Variants in HFM1 observed in about 807,000 individuals in gnomAD.
HFM1 encodes the protein helicase for meiosis 1.
In HFM1, 169 loss-of-function variants were observed where a neutral mutation model predicts 192.1. The ratio of observed to expected loss-of-function variants is 0.88; its 90% CI spans 0.78 to 1.00. The LOEUF (loss-of-function observed/expected upper bound fraction) is 1.00. HFM1 is among the 50% of genes least tolerant of loss of function. HFM1 has a pLI of 0.00. For missense variants in HFM1, 1,661 were observed against 1,668.0 expected (o/e 1.00, Z 0.07); for synonymous variants, 525 against 537.8 (o/e 0.98, Z 0.33).
At chr1:91,397,886 G>A (rs543613154) in intron 2 of HFM1, among the ~76,000 whole-genome samples, 37 of 152,302 alleles carry the variant, frequency 2.4e-4, no homozygotes, top group African/African-American at 8.4e-4. Context: ...CCAAAGAAGG[G>A]AAGCTCTTCA....
chr1:91,318,651 A>C (rs1651612058), intron 25 of HFM1, among the ~76,000 whole-genome samples: 1 of 152,182 alleles, frequency 6.6e-6, no homozygotes, highest in Non-Finnish European at 1.5e-5. Context: ...AAAACAAAAA[A>C]AAAATTAAGA....
intron 30 of HFM1, among the ~76,000 whole-genome samples, chr1:91,307,073 T>C (rs2101082999): frequency 6.6e-6 from 1 of 152,216 alleles, no homozygotes; most frequent in African/African-American, 2.4e-5. Context: ...TTACTTGTGT[T>C]TTCTTTCTTT....
At chr1:91,359,096 C>A (rs970585540) in intron 13 of HFM1, among the ~76,000 whole-genome samples, 12 of 152,106 alleles carry the variant, frequency 7.9e-5, no homozygotes, top group African/African-American at 2.9e-4. Context: ...CCATAAAAAC[C>A]TCATTCAAAG....
chr1:91,366,606 T>C (rs1481686566), intron 13 of HFM1, among the ~76,000 whole-genome samples: 3 of 152,236 alleles, frequency 2.0e-5, no homozygotes, highest in Non-Finnish European at 4.4e-5. Flanking sequence ...ACCCCATCTT[T>C]GTTTTAAAAA....
At chr1:91,401,163 TA>T (rs1236129352) in intron 1 of HFM1, 54 bp from the exon 2 acceptor site, 1 of 769,820 alleles carries the variant, frequency 1.3e-6, no homozygotes, top group African/African-American at 1.9e-5. Context: ...TGTAAAAAAA[TA>T]TTTCTGTATA....
chr1:91,344,656 G>T (rs572098735), intron 19 of HFM1, among the ~76,000 whole-genome samples: 1 of 474 alleles, frequency 2.1e-3, no homozygotes, highest in Non-Finnish European at 0.019. Context: ...AACCTATATA[G>T]AATGACTGTG....
At chr1:91,262,677 T>G in intron 36 of HFM1, 85 bp from the exon 37 acceptor site, 1 of 793,012 alleles carries the variant, frequency 1.3e-6, no homozygotes, top group Non-Finnish European at 2.0e-6. Flanking sequence ...TTGGGGAATA[T>G]GATCAAAGTT....
At chr1:91,290,785 G>C (rs1668655600) in intron 30 of HFM1, among the ~76,000 whole-genome samples, 1 of 151,710 alleles carries the variant, frequency 6.6e-6, no homozygotes, top group East Asian at 1.9e-4. Flanking sequence ...TTCCAAAATT[G>C]ACCACATACT....
intron 34 of HFM1, among the ~76,000 whole-genome samples, chr1:91,273,413 T>A (rs1291167166): frequency 2.0e-5 from 3 of 152,124 alleles, no homozygotes; most frequent in African/African-American, 7.2e-5. Context: ...TCATTCAGTA[T>A]GTTAATACTC....
At chr1:91,381,074 C>A (rs1471177899) in intron 6 of HFM1, 92 bp from the exon 7 acceptor site, 1 of 651,886 alleles carries the variant, frequency 1.5e-6, no homozygotes, top group African/African-American at 1.9e-5. Flanking sequence ...TAGATTCTGA[C>A]AATATTTAAT....
intron 4 of HFM1, among the ~76,000 whole-genome samples, chr1:91,390,787 T>A (rs1571220301): frequency 6.6e-6 from 1 of 152,172 alleles, no homozygotes; most frequent in African/African-American, 2.4e-5. Flanking sequence ...ATAATGGGTA[T>A]TCAATTAGGA....
At chr1:91,402,849 C>T (rs899226828) in intron 1 of HFM1, among the ~76,000 whole-genome samples, 5 of 151,994 alleles carry the variant, frequency 3.3e-5, no homozygotes, top group African/African-American at 1.2e-4. Context: ...TACTTTCTTC[C>T]TAAAGCAACT....
intron 2 of HFM1, among the ~76,000 whole-genome samples, chr1:91,397,661 A>G (rs1188999683): frequency 6.6e-6 from 1 of 152,180 alleles, no homozygotes; most frequent in Non-Finnish European, 1.5e-5. Context: ...ATCTTTTAAA[A>G]TTTAGGACTG....
chr1:91,309,115 T>C (rs1255610434), intron 30 of HFM1, among the ~76,000 whole-genome samples: 1 of 152,208 alleles, frequency 6.6e-6, no homozygotes, highest in African/African-American at 2.4e-5. Flanking sequence ...AGAATAGTTC[T>C]AAATGCGTTC....
intron 30 of HFM1, among the ~76,000 whole-genome samples, chr1:91,292,025 T>A (rs1237083965): frequency 6.6e-6 from 1 of 152,142 alleles, no homozygotes; most frequent in Non-Finnish European, 1.5e-5. Context: ...AAACTCTCAA[T>A]AAATTAGGTA....
intron 30 of HFM1, among the ~76,000 whole-genome samples, chr1:91,307,093 A>G (rs1422344246): frequency 6.6e-6 from 1 of 152,008 alleles, no homozygotes; most frequent in Non-Finnish European, 1.5e-5. Flanking sequence ...TCTCTTGATC[A>G]GTCTTCATTC....
At chr1:91,389,934 T>C (rs1457197940) in intron 4 of HFM1, among the ~76,000 whole-genome samples, 2 of 152,150 alleles carry the variant, frequency 1.3e-5, no homozygotes, top group African/African-American at 2.4e-5. Flanking sequence ...AAGTTAAATA[T>C]AAAGTTACCA....
At chr1:91,280,765 C>T (rs78758577) in intron 30 of HFM1, among the ~76,000 whole-genome samples, 3,362 of 152,290 alleles carry the variant, frequency 0.022, 113 homozygotes, top group African/African-American at 0.077. Flanking sequence ...TGTCATCTGA[C>T]CCCCCTAGTT....
At chr1:91,296,924 G>T (rs1647690072) in intron 30 of HFM1, among the ~76,000 whole-genome samples, 1 of 152,152 alleles carries the variant, frequency 6.6e-6, no homozygotes, top group Non-Finnish European at 1.5e-5. Context: ...CATCTCACTG[G>T]GGAATGTCAG....
Sources: allele counts gnomAD v4.1 joint callset (sites outside exome capture counted in the v4.1 genomes callset), GRCh38; gene constraint gnomAD v4.1.1; transcripts MANE v1.5; gene names NCBI Gene and HGNC (gene_info 2026-07-23, HGNC 2026-07-21).